PTK2: variants seen among roughly 807,000 people sequenced by gnomAD.
PTK2 encodes the protein focal adhesion kinase 1.
In PTK2, 45 loss-of-function variants were observed where a neutral mutation model predicts 150.1. That is an observed-to-expected ratio of 0.30 (90% CI 0.24 to 0.38). The LOEUF is 0.38. Ranked by LOEUF, PTK2 falls within the 10% of genes least tolerant of loss-of-function variation. The pLI is 1.00. For missense variants in PTK2, 919 were observed against 1,307.3 expected, an observed-to-expected ratio of 0.70 and a Z score of 4.58; for synonymous variants, 432 against 449.2, an observed-to-expected ratio of 0.96 and a Z score of 0.48.
chr8:140,849,904 T>C (rs1188797349), intron 5 of PTK2, among the ~76,000 whole-genome samples: 3 of 152,186 alleles, frequency 2.0e-5, no homozygotes, highest in Non-Finnish European at 4.4e-5. Context: ...TGTCAACTCT[T>C]TCACAGTGCA....
In PTK2 at chr8:140,735,145, G is replaced by A. The variant is rs202014510; in HGVS notation, c.2030+106C>T. 465 of 1,038,734 alleles carry A rather than the reference G, an allele frequency of 4.5e-4. 4 individuals carry two copies. Among genetic ancestry groups the A allele is most frequent in the East Asian group, 3.2e-3 (122 of 38,384 alleles). 64.3% of individuals were successfully genotyped at this position (1,038,734 alleles called of 1,614,324 possible). On this transcript the variant is annotated intron_variant, in intron 22 of 31. Coordinates refer to ENST00000522684, the Ensembl canonical transcript of PTK2. ...ATTGCATTTGAACGAAAAATAGTTCGGCCTTAGACATACTGATATAATGAC... is the reference window on the plus strand; with the variant it reads ...ATTGCATTTGAACGAAAAATAGTTCAGCCTTAGACATACTGATATAATGAC...
At chr8:140,701,671 G>A (rs941613486) in intron 25 of PTK2, among the ~76,000 whole-genome samples, 3 of 152,118 alleles carry the variant, frequency 2.0e-5, no homozygotes, top group East Asian at 3.8e-4. Flanking sequence ...CTGTTTCTTC[G>A]TTGGCCTCAT....
intron 7 of PTK2, among the ~76,000 whole-genome samples, chr8:140,836,111 C>T (rs1234462261): frequency 6.6e-6 from 1 of 152,036 alleles, no homozygotes; most frequent in African/African-American, 2.4e-5. Flanking sequence ...AAAATGTATG[C>T]TTACATTTAT....
At chr8:140,982,272 G>GATCATTAAGATAGATACACACTGC (rs1406075343) in intron 1 of PTK2, among the ~76,000 whole-genome samples, 3 of 152,154 alleles carry the variant, frequency 2.0e-5, no homozygotes, top group Non-Finnish European at 4.4e-5. Flanking sequence ...ATACACATTG[G>GATCATTAAGATAGATACACACTGC]ATCATTAAGA....
At chr8:140,864,441 T>C (rs1406491678) in intron 4 of PTK2, 42 bp from the exon 5 acceptor site, 3 of 1,216,556 alleles carry the variant, frequency 2.5e-6, no homozygotes, top group South Asian at 1.3e-5. Flanking sequence ...AAATCAGTCA[T>C]TTTCTCAATT....
At chr8:140,890,471 CT>C in intron 3 of PTK2, 71 bp downstream of exon 3, 25 of 1,277,996 alleles carry the variant, frequency 2.0e-5, no homozygotes, top group Non-Finnish European at 2.7e-5. Flanking sequence ...ATTACACTAT[CT>C]TTTTTCATAC....
intron 1 of PTK2, among the ~76,000 whole-genome samples, chr8:140,962,074 C>A (rs886420309): frequency 2.6e-5 from 4 of 151,864 alleles, no homozygotes; most frequent in Non-Finnish European, 5.9e-5. Context: ...AAAACCCCGT[C>A]TCTACTAAAA....
chr8:140,856,663 T>A (rs535537272), intron 5 of PTK2, among the ~76,000 whole-genome samples: 1 of 152,238 alleles, frequency 6.6e-6, no homozygotes, highest in South Asian at 2.1e-4. Flanking sequence ...GTGGGAAACT[T>A]CCTGGGGTGA....
chr8:140,671,759 C>CAA (rs35706231), intron 29 of PTK2, among the ~76,000 whole-genome samples: 25 of 94,136 alleles, frequency 2.7e-4, no homozygotes, highest in East Asian at 6.8e-4. Flanking sequence ...TAAAAATACC[C>CAA]AAAAAAAAAA....
intron 3 of PTK2, among the ~76,000 whole-genome samples, chr8:140,886,495 G>T (rs1464909956): frequency 6.6e-6 from 1 of 152,192 alleles, no homozygotes; most frequent in African/African-American, 2.4e-5. Context: ...CATGGTGGTA[G>T]ATTCAAGAGA....
At chr8:140,848,305 T>C (rs923288840) in intron 5 of PTK2, among the ~76,000 whole-genome samples, 2 of 152,246 alleles carry the variant, frequency 1.3e-5, no homozygotes, top group East Asian at 3.8e-4. Flanking sequence ...TACTCATTAT[T>C]TTCTCTTAAA....
At chr8:140,775,467 G>A (rs1451764707) in intron 14 of PTK2, among the ~76,000 whole-genome samples, 4 of 151,942 alleles carry the variant, frequency 2.6e-5, no homozygotes, top group Admixed American at 6.6e-5. Flanking sequence ...TCTGGACAAC[G>A]GAGTGAGACC....
chr8:140,899,612 T>TA (rs1317697961), intron 2 of PTK2, among the ~76,000 whole-genome samples: 1 of 152,154 alleles, frequency 6.6e-6, no homozygotes, highest in Non-Finnish European at 1.5e-5. Context: ...AGGGCAGTAT[T>TA]ACCTTTACAA....
intron 17 of PTK2, among the ~76,000 whole-genome samples, chr8:140,749,641 T>C (rs1373725725): frequency 1.3e-5 from 2 of 152,226 alleles, no homozygotes; most frequent in Non-Finnish European, 2.9e-5. Context: ...CAGAGCTGAA[T>C]ACTTGGGACA....
chr8:140,932,157 T>C (rs1486034843), intron 1 of PTK2, among the ~76,000 whole-genome samples: 1 of 152,152 alleles, frequency 6.6e-6, no homozygotes, highest in Non-Finnish European at 1.5e-5. Flanking sequence ...TTCTGCTCAA[T>C]GCATGTTAAA....
At chr8:140,813,604 C>T (rs1596697046) in intron 10 of PTK2, among the ~76,000 whole-genome samples, 2 of 152,074 alleles carry the variant, frequency 1.3e-5, no homozygotes, top group Non-Finnish European at 2.9e-5. Context: ...TGAATGAGAA[C>T]CAAGACACAA....
chr8:140,955,952 C>G (rs993988023), intron 1 of PTK2, among the ~76,000 whole-genome samples: 3 of 152,198 alleles, frequency 2.0e-5, no homozygotes, highest in African/African-American at 7.2e-5. Flanking sequence ...AGACTGGGGG[C>G]TCTCTGGAAA....
intron 5 of PTK2, among the ~76,000 whole-genome samples, chr8:140,849,336 G>A (rs534766275): frequency 6.6e-6 from 1 of 152,178 alleles, no homozygotes; most frequent in African/African-American, 2.4e-5. Flanking sequence ...CTAGGCTCTA[G>A]AGAGTGTTCT....
intron 29 of PTK2, 104 bp from the exon 33 acceptor site, chr8:140,669,839 A>G: frequency 7.8e-7 from 1 of 1,289,266 alleles, no homozygotes; most frequent in East Asian, 2.5e-5. Context: ...CCCCATAAAA[A>G]CACATGAGCA....
Sources: allele counts gnomAD v4.1 joint callset (sites outside exome capture counted in the v4.1 genomes callset), GRCh38; gene constraint gnomAD v4.1.1; transcripts MANE v1.5; gene names NCBI Gene and HGNC (gene_info 2026-07-23, HGNC 2026-07-21).